The following KCNQ4 variants were observed in gnomAD, a reference collection of about 807,000 sequenced individuals.
The protein encoded by KCNQ4 is potassium voltage-gated channel subfamily Q member 4, also known as potassium voltage-gated channel subfamily KQT member 4.
KCNQ4 carries 31 observed loss-of-function variants against 72.6 expected under a neutral mutation model. That is an observed-to-expected ratio of 0.43 (90% confidence interval 0.32 to 0.58). The LOEUF (loss-of-function observed/expected upper bound fraction) is 0.58, where lower values mean the gene tolerates loss of function less well. KCNQ4 is among the 20% of genes least tolerant of loss of function. The pLI is 0.08. For missense variants in KCNQ4, 869 were observed against 962.6 expected, an observed-to-expected ratio of 0.90 and a Z score of 1.29; for synonymous variants, 405 against 403.7, an observed-to-expected ratio of 1.00 and a Z score of -0.04.
In KCNQ4 at chr1:40,838,995, A is replaced by G; in HGVS notation, c.*472A>G. ...CCAAGGTGCCCCCACAGGTACCCAC[A>G]AAGCACAGGACCCTGCCACAAGGCA... On this transcript the variant is annotated 3_prime_UTR_variant, in exon 14 of 14. Coordinates refer to ENST00000347132, the MANE Select transcript of KCNQ4 (RefSeq NM_004700.4). 1 of 248,830 alleles carries G rather than the reference A, an allele frequency of 4.0e-6. No homozygotes were observed. Among genetic ancestry groups the G allele is most frequent in the Non-Finnish European group, 8.0e-6 (1 of 124,382 alleles). The allele number at this position is 248,830 out of a possible 1,614,324, so 15.4% of individuals were successfully genotyped here.
chr1:40,816,776 G>A (rs1216791204), intron 1 of KCNQ4, among the ~76,000 whole-genome samples: 1 of 152,230 alleles, frequency 6.6e-6, no homozygotes. Flanking sequence ...GGCAGGGGCA[G>A]TTGTCCCAAT....
intron 1 of KCNQ4, among the ~76,000 whole-genome samples, chr1:40,792,403 C>T (rs1303467999): frequency 6.6e-6 from 1 of 152,178 alleles, no homozygotes; most frequent in Non-Finnish European, 1.5e-5. Flanking sequence ...GGCCTTTCTA[C>T]CCCCATCCTC....
chr1:40,834,830 G>T, intron 11 of KCNQ4, 137 bp from the exon 12 acceptor site: 1 of 1,141,724 alleles, frequency 8.8e-7, no homozygotes, highest in Admixed American at 1.9e-5. Flanking sequence ...GCTGGGAGAC[G>T]CAGCAGAGGC....
chr1:40,831,372 C>G (rs1423912151), intron 10 of KCNQ4, 68 bp downstream of exon 10: 1 of 1,342,638 alleles, frequency 7.4e-7, no homozygotes, highest in East Asian at 2.5e-5. Flanking sequence ...ACAGTCTGGG[C>G]TGGGAGCAGA....
intron 12 of KCNQ4, among the ~76,000 whole-genome samples, chr1:40,837,133 G>T (rs186333981): frequency 2.7e-5 from 4 of 150,250 alleles, no homozygotes; most frequent in African/African-American, 9.8e-5. Context: ...TGTCGCCCAG[G>T]CTGGAGTGCA....
chr1:40,807,760 C>A (rs780501555), intron 1 of KCNQ4, among the ~76,000 whole-genome samples: 4 of 152,128 alleles, frequency 2.6e-5, no homozygotes, highest in Non-Finnish European at 5.9e-5. Flanking sequence ...ATAGCTTCTG[C>A]CCTCTAGGGA....
intron 1 of KCNQ4, among the ~76,000 whole-genome samples, chr1:40,801,343 G>A (rs1215782655): frequency 6.6e-6 from 1 of 152,088 alleles, no homozygotes; most frequent in East Asian, 1.9e-4. Flanking sequence ...ACTGCCCTAG[G>A]TCTCCAGGCT....
At position 40,793,921 on chromosome 1, in the gene KCNQ4, G is replaced by A. The variant is rs115496533; in HGVS notation, c.314+9514G>A. On this transcript the variant is annotated intron_variant, in intron 1 of 13. Transcript: ENST00000347132. ...GAGTTCTGTTCACCCAGCCCTGTGC[G>A]TTTTTTGCTTTTCTGCATGGGACTA... is the stretch of plus-strand genomic sequence containing the variant. 5.9e-3 allele frequency among the ~76,000 whole-genome samples: 898 copies of A among 152,266 alleles called. 9 individuals carry two copies. Among genetic ancestry groups the A allele is most frequent in the African/African-American group, 0.021 (862 of 41,538 alleles).
chr1:40,814,035 CT>C lies in KCNQ4; in HGVS notation c.315-3229del, dbSNP rs1231655301. ...GTACTGGGATTACAGGCGTGAGCCA[CT>C]GCGCCCGGCCTTTTTTTTTTTTTTT... is the stretch of plus-strand genomic sequence containing the variant. On this transcript the variant is annotated intron_variant, in intron 1 of 13. Transcript: ENST00000347132. Among the ~76,000 whole-genome samples the C allele has an allele frequency of 2.9e-4, 42 of 144,888 alleles. No individual in the cohort carries two copies. The East Asian group carries it at 8.4e-3, about 29-fold the overall frequency.
intron 1 of KCNQ4, among the ~76,000 whole-genome samples, chr1:40,808,283 C>T (rs1199887715): frequency 2.0e-5 from 3 of 152,036 alleles, no homozygotes; most frequent in Non-Finnish European, 2.9e-5. Flanking sequence ...GGGTGGGGAG[C>T]GGTCCTCTTC....
Position 40,784,340 on chromosome 1 carries a change from C to G in KCNQ4, c.247C>G (p.Leu83Val). Reference protein sequence around the residue: ...SSAAHKRYRRLQNWVYNVLER... With the variant: ...SSAAHKRYRRVQNWVYNVLER... ...GGCCGCGCACAAGCGCTACCGCCGC[C>G]TGCAGAACTGGGTCTACAACGTGCT... Residue 83 changes from leucine (L) to valine (V), a missense_variant, in exon 1 of 14, where the codon CTG becomes GTG. Leu to Val is a conservative substitution (Grantham distance 32). Transcript: ENST00000347132. This position sits in a 1 kb window ranked among gnomAD's most constrained non-coding sequence, Gnocchi z 4.1. 1.2e-6 allele frequency: 2 copies of G among 1,609,794 alleles called. No homozygotes were observed. The highest frequency in any genetic ancestry group is 4.5e-5 in the East Asian group (2 of 44,800).
intron 9 of KCNQ4, among the ~76,000 whole-genome samples, chr1:40,827,493 C>T (rs1383483985): frequency 5.9e-5 from 9 of 152,106 alleles, no homozygotes; most frequent in African/African-American, 4.8e-5. Flanking sequence ...GACATCAGAG[C>T]GAAGGTTGGG....
At chr1:40,831,387 T>A in intron 10 of KCNQ4, 83 bp downstream of exon 10, 1 of 1,179,730 alleles carries the variant, frequency 8.5e-7, no homozygotes, top group Non-Finnish European at 1.2e-6. Flanking sequence ...AGCAGAAAGA[T>A]CTGGCTCGCG....
At chr1:40,834,906 G>C (rs942516166) in intron 11 of KCNQ4, 61 bp from the exon 12 acceptor site, 7 of 1,602,334 alleles carry the variant, frequency 4.4e-6, no homozygotes, top group Admixed American at 3.4e-5. Context: ...AGATGGAGAG[G>C]GTGCTGGGAA....
At position 40,837,794 on chromosome 1, in the gene KCNQ4, G is replaced by T; in HGVS notation, c.1875G>T (p.Gln625His). ...GACGCGTGGTCAAGGTGGAGAAGCA[G>T]GTGAGTGTAGGATGGGGTGGCGGAG... ...MMGRVVKVEK[Q>H]VQSIEHKLDL... Residue 625 changes from glutamine to histidine, a missense_variant and splice_region_variant, in exon 13 of 14, where the codon CAG (glutamine) becomes CAT (histidine). Transcript: ENST00000347132. 1 of 1,606,900 alleles carries T rather than the reference G, an allele frequency of 6.2e-7. No homozygotes were observed. The highest frequency in any genetic ancestry group is 8.5e-7 in the Non-Finnish European group (1 of 1,177,202).
intron 1 of KCNQ4, among the ~76,000 whole-genome samples, chr1:40,795,180 G>A (rs1196292152): frequency 2.0e-5 from 3 of 152,070 alleles, no homozygotes; most frequent in African/African-American, 4.8e-5. Context: ...CTCACCTCAC[G>A]GGGCTGCTTC....
chr1:40,832,946 C>A, intron 10 of KCNQ4, 68 bp from the exon 11 acceptor site: 1 of 1,152,380 alleles, frequency 8.7e-7, no homozygotes, highest in Non-Finnish European at 1.3e-6. Flanking sequence ...GTTTGGCATA[C>A]AAGGGTCGGA....
chr1:40,824,356 TG>T, intron 9 of KCNQ4, 98 bp downstream of exon 9: 1 of 1,339,810 alleles, frequency 7.5e-7, no homozygotes, highest in Non-Finnish European at 1.0e-6. Flanking sequence ...AGCCACTTCG[TG>T]GGTGTCTGGG....
intron 1 of KCNQ4, among the ~76,000 whole-genome samples, chr1:40,791,503 C>A (rs1179444379): frequency 6.6e-6 from 1 of 152,166 alleles, no homozygotes; most frequent in African/African-American, 2.4e-5. Flanking sequence ...CCTGGGCAAC[C>A]CTGTCCCTGG....
Sources: gnomAD v4.1 joint callset for allele counts (sites outside exome capture counted in the v4.1 genomes callset) on GRCh38, gnomAD v4.1.1 for gene constraint, Gnocchi (gnomAD v3.1) non-coding constraint, MANE v1.5 for transcripts, NCBI Gene and HGNC (gene_info 2026-07-23, HGNC 2026-07-21) for gene names.